The following AK5 variants were observed in gnomAD, a reference collection of about 807,000 sequenced individuals.
The protein encoded by AK5 is adenylate kinase isoenzyme 5.
Under a neutral mutation model 69.5 loss-of-function variants are expected in AK5, and 27 were observed. The observed-to-expected ratio is 0.39, with a 90% CI of 0.29 to 0.54. AK5 has a LOEUF of 0.54. Ranked by LOEUF, AK5 falls within the 20% of genes least tolerant of loss-of-function variation. The pLI is 0.71. For missense variants in AK5, 531 were observed against 700.4 expected, an observed-to-expected ratio of 0.76 and a Z score of 2.73; for synonymous variants, 260 against 244.4, an observed-to-expected ratio of 1.06 and a Z score of -0.60.
chr1:77,505,905 T>A (rs979064112), intron 10 of AK5, among the ~76,000 whole-genome samples: 2 of 151,596 alleles, frequency 1.3e-5, no homozygotes, highest in Admixed American at 1.3e-4. Flanking sequence ...ATAAAATAAA[T>A]AAATAGAAGG....
At chr1:77,440,225 T>A (rs1421500020) in intron 8 of AK5, among the ~76,000 whole-genome samples, 3 of 152,222 alleles carry the variant, frequency 2.0e-5, no homozygotes. Flanking sequence ...TCTCCCTCAT[T>A]TCTGAAGGGT....
At chr1:77,428,353 T>A (rs1651353096) in intron 8 of AK5, among the ~76,000 whole-genome samples, 1 of 152,170 alleles carries the variant, frequency 6.6e-6, no homozygotes, top group African/African-American at 2.4e-5. Context: ...AAACTATCAC[T>A]TAGGTTCTCA....
At chr1:77,287,869 G>T (rs1658450724) in intron 2 of AK5, among the ~76,000 whole-genome samples, 1 of 152,196 alleles carries the variant, frequency 6.6e-6, no homozygotes, top group Admixed American at 6.5e-5. Context: ...ACAGCTGCTG[G>T]GATCAGCCAA....
At chr1:77,283,053 AG>A in intron 1 of AK5, 1 of 985,450 alleles carries the variant, frequency 1.0e-6, no homozygotes, top group Non-Finnish European at 1.2e-6. Context: ...CGGGTCGGGG[AG>A]GGAGCTGCGA....
intron 10 of AK5, among the ~76,000 whole-genome samples, chr1:77,489,417 C>T (rs1304685390): frequency 6.6e-6 from 1 of 152,198 alleles, no homozygotes; most frequent in Non-Finnish European, 1.5e-5. Context: ...ACTGTACATA[C>T]TGAACTCTGA....
intron 5 of AK5, among the ~76,000 whole-genome samples, chr1:77,316,381 T>A (rs1660245033): frequency 1.3e-5 from 2 of 152,134 alleles, no homozygotes; most frequent in South Asian, 4.1e-4. Flanking sequence ...TAATTTAGCC[T>A]CAGCATTGCC....
chr1:77,363,023 G>A (rs1432613530), intron 6 of AK5, among the ~76,000 whole-genome samples: 1 of 152,060 alleles, frequency 6.6e-6, no homozygotes, highest in Admixed American at 6.5e-5. Context: ...ATACAATGCT[G>A]ACTCTCAAAT....
chr1:77,431,862 G>C (rs1484361388), intron 8 of AK5, among the ~76,000 whole-genome samples: 1 of 152,154 alleles, frequency 6.6e-6, no homozygotes, highest in Non-Finnish European at 1.5e-5. Flanking sequence ...TAATAGTTTT[G>C]AGATAATTAT....
intron 8 of AK5, among the ~76,000 whole-genome samples, chr1:77,457,586 T>G (rs1309102284): frequency 6.6e-6 from 1 of 152,200 alleles, no homozygotes; most frequent in Admixed American, 6.5e-5. Flanking sequence ...ACCATATGTT[T>G]TTAGTTTTGT....
chr1:77,310,847 T>A (rs1185525327), intron 5 of AK5, among the ~76,000 whole-genome samples: 1 of 152,174 alleles, frequency 6.6e-6, no homozygotes, highest in Non-Finnish European at 1.5e-5. Flanking sequence ...ATGAACATTG[T>A]CATGTCACTC....
At chr1:77,367,580 A>T (rs867121403) in intron 6 of AK5, among the ~76,000 whole-genome samples, 56 of 2,286 alleles carry the variant, frequency 0.024, 4 homozygotes, top group South Asian at 0.2. Context: ...TATATATATA[A>T]TATATATGTT....
intron 6 of AK5, among the ~76,000 whole-genome samples, chr1:77,382,409 G>A (rs1647708885): frequency 6.6e-6 from 1 of 152,056 alleles, no homozygotes; most frequent in Admixed American, 6.5e-5. Context: ...GGAATGCAAT[G>A]GTGTAATCAC....
At chr1:77,295,954 G>A (rs1198076504) in intron 3 of AK5, among the ~76,000 whole-genome samples, 1 of 152,072 alleles carries the variant, frequency 6.6e-6, no homozygotes, top group Non-Finnish European at 1.5e-5. Context: ...TATGATTCTT[G>A]TTATAGGCTT....
chr1:77,536,949 G>A (rs1312292333), intron 13 of AK5, among the ~76,000 whole-genome samples: 1 of 152,124 alleles, frequency 6.6e-6, no homozygotes, highest in Non-Finnish European at 1.5e-5. Context: ...TTATGAATTT[G>A]GGAAAACTGC....
At chr1:77,454,697 G>C (rs965481930) in intron 8 of AK5, among the ~76,000 whole-genome samples, 6 of 152,270 alleles carry the variant, frequency 3.9e-5, no homozygotes, top group African/African-American at 1.4e-4. Flanking sequence ...TATACCCGCA[G>C]CTCTTCACAA....
At chr1:77,411,220 A>G (rs1650024207) in intron 7 of AK5, 149 bp downstream of exon 7, 2 of 661,718 alleles carry the variant, frequency 3.0e-6, no homozygotes, top group Non-Finnish European at 5.1e-6. Flanking sequence ...ATAAAAGTAT[A>G]AAACAAAGTA....
At chr1:77,354,219 C>T (rs1049982584) in intron 6 of AK5, among the ~76,000 whole-genome samples, 2 of 152,106 alleles carry the variant, frequency 1.3e-5, no homozygotes, top group African/African-American at 4.8e-5. Flanking sequence ...TTGCTCTCTC[C>T]CTGCTCAACA....
intron 6 of AK5, among the ~76,000 whole-genome samples, chr1:77,372,355 A>C (rs1647135709): frequency 6.6e-6 from 1 of 152,152 alleles, no homozygotes; most frequent in South Asian, 2.1e-4. Flanking sequence ...GCCCTTGAAC[A>C]CCAAAATTTA....
At chr1:77,486,554 C>T (rs539707662) in intron 10 of AK5, among the ~76,000 whole-genome samples, 43 of 151,946 alleles carry the variant, frequency 2.8e-4, no homozygotes, top group Admixed American at 1.2e-3. Flanking sequence ...AAAAATTAGC[C>T]GGGCATGGTG....
Sources: allele counts gnomAD v4.1 joint callset (sites outside exome capture counted in the v4.1 genomes callset), GRCh38; gene constraint gnomAD v4.1.1; transcripts MANE v1.5; gene names NCBI Gene and HGNC (gene_info 2026-07-23, HGNC 2026-07-21).